AFF3: variants seen among roughly 807,000 people sequenced by gnomAD.
AFF3 encodes the protein ALF transcription elongation factor 3.
A neutral mutation model predicts 129.7 loss-of-function variants in AFF3; 32 were observed. The ratio of observed to expected loss-of-function variants is 0.25; its 90% CI spans 0.19 to 0.33. The LOEUF is 0.33. Among genes scored for constraint, AFF3 ranks in the 10% least tolerant of loss-of-function variants. The pLI, the probability that AFF3 is intolerant of heterozygous loss-of-function variation, is 1.00. For missense variants in AFF3, 1,373 were observed against 1,592.0 expected, an observed-to-expected ratio of 0.86 and a Z score of 2.34; for synonymous variants, 644 against 635.4, an observed-to-expected ratio of 1.01 and a Z score of -0.20.
intron 17 of AFF3, among the ~76,000 whole-genome samples, chr2:99,582,300 TC>T (rs1175654622): frequency 6.6e-6 from 1 of 152,164 alleles, no homozygotes; most frequent in Admixed American, 6.5e-5. Flanking sequence ...AGTCCCCTGC[TC>T]TTCCCCTGGG....
intron 11 of AFF3, among the ~76,000 whole-genome samples, chr2:99,693,565 T>C (rs370737644): frequency 5.9e-5 from 9 of 152,290 alleles, no homozygotes; most frequent in East Asian, 5.8e-4. Context: ...AGTATTAATA[T>C]AGAAATGGCC....
intron 4 of AFF3, among the ~76,000 whole-genome samples, chr2:100,038,941 C>T (rs1329151382): frequency 6.6e-6 from 1 of 152,112 alleles, no homozygotes; most frequent in Non-Finnish European, 1.5e-5. Context: ...CCAGGCTGGT[C>T]TTGAACTCCT....
chr2:99,832,871 G>A (rs977196771), intron 8 of AFF3, among the ~76,000 whole-genome samples: 1 of 152,086 alleles, frequency 6.6e-6, no homozygotes, highest in African/African-American at 2.4e-5. Flanking sequence ...TTTTGCCATT[G>A]GTGGGCTTCA....
At chr2:100,101,958 TAA>T (rs1690766868) in intron 4 of AFF3, among the ~76,000 whole-genome samples, 1 of 144,992 alleles carries the variant, frequency 6.9e-6, no homozygotes, top group African/African-American at 2.6e-5. Flanking sequence ...ATGTTAGTTT[TAA>T]AAAGTCTGCT....
chr2:100,104,658 G>C (rs868514146), intron 3 of AFF3, 140 bp from the exon 4 acceptor site: 1 of 960,142 alleles, frequency 1.0e-6, no homozygotes, highest in African/African-American at 2.0e-5. Flanking sequence ...GCAGCGGCCG[G>C]CGCACTCACC....
intron 11 of AFF3, among the ~76,000 whole-genome samples, chr2:99,725,122 C>T (rs1679258777): frequency 6.6e-6 from 1 of 152,034 alleles, no homozygotes; most frequent in Non-Finnish European, 1.5e-5. Flanking sequence ...AGGCACGCGC[C>T]ACCATGCCCA....
chr2:99,800,306 G>C (rs1400091965), intron 8 of AFF3, among the ~76,000 whole-genome samples: 2 of 152,168 alleles, frequency 1.3e-5, no homozygotes, highest in Admixed American at 1.3e-4. Flanking sequence ...TGGAAAATAA[G>C]TGTATGAAAA....
chr2:99,572,280 T>TCTC, intron 18 of AFF3, among the ~76,000 whole-genome samples: 1 of 51,478 alleles, frequency 1.9e-5, no homozygotes, highest in Non-Finnish European at 3.5e-5. Flanking sequence ...TTTCTTCTCT[T>TCTC]CCCCCTCCCA....
At chr2:99,687,134 T>G (rs1675139563) in intron 11 of AFF3, among the ~76,000 whole-genome samples, 1 of 152,180 alleles carries the variant, frequency 6.6e-6, no homozygotes, top group Admixed American at 6.5e-5. Flanking sequence ...TATGTAACAT[T>G]AAACTCAGAA....
At position 99,636,096 on chromosome 2, in the gene AFF3, TC is replaced by T. The variant is rs1353090874; in HGVS notation, c.1184+13529del. ...ACCTGGACCTCCTTCACGTAGTCCCTCAGATGACTACACCTTAATTTGCTGT... is the reference window on the plus strand; with the variant it reads ...ACCTGGACCTCCTTCACGTAGTCCCTAGATGACTACACCTTAATTTGCTGT... On this transcript the variant is annotated intron_variant, in intron 13 of 24. Transcript: ENST00000672756. Among the ~76,000 whole-genome samples, 3 of 152,194 alleles carry T rather than the reference TC, an allele frequency of 2.0e-5. 1 individual carries two copies. The highest frequency in any genetic ancestry group is 4.4e-5 in the Non-Finnish European group (3 of 68,032).
intron 2 of AFF3, among the ~76,000 whole-genome samples, chr2:100,122,753 T>G (rs1692030985): frequency 6.6e-6 from 1 of 152,206 alleles, no homozygotes; most frequent in Admixed American, 6.5e-5. Context: ...TTTCCCAAAA[T>G]GTACATTTTT....
At chr2:99,998,662 C>T (rs1296830250) in intron 7 of AFF3, among the ~76,000 whole-genome samples, 1 of 152,094 alleles carries the variant, frequency 6.6e-6, no homozygotes, top group Admixed American at 6.6e-5. Context: ...AGATGCTATT[C>T]CTGAAGGTTA....
intron 13 of AFF3, among the ~76,000 whole-genome samples, chr2:99,632,208 T>C (rs1683187750): frequency 6.6e-6 from 1 of 151,586 alleles, no homozygotes; most frequent in African/African-American, 2.4e-5. Flanking sequence ...AGAGAAGGGG[T>C]TTCACCGTGT....
chr2:100,003,902 C>A (rs1214132741), intron 7 of AFF3, among the ~76,000 whole-genome samples: 1 of 151,504 alleles, frequency 6.6e-6, no homozygotes, highest in Non-Finnish European at 1.5e-5. Flanking sequence ...AGAGAAACTG[C>A]AAATTAAAAG....
At chr2:100,021,569 T>C (rs533633882) in intron 4 of AFF3, among the ~76,000 whole-genome samples, 51 of 152,308 alleles carry the variant, frequency 3.3e-4, no homozygotes, top group Admixed American at 3.2e-3. Flanking sequence ...AACAGTAATA[T>C]TGAGCAACTG....
intron 19 of AFF3, among the ~76,000 whole-genome samples, chr2:99,566,967 T>C (rs1676025200): frequency 6.6e-6 from 1 of 151,800 alleles, no homozygotes; most frequent in African/African-American, 2.4e-5. Flanking sequence ...ACATTTCTTT[T>C]TTCTTTTTTT....
At chr2:99,956,239 ATATGTGT>A (rs1199398011) in intron 7 of AFF3, among the ~76,000 whole-genome samples, 1 of 152,144 alleles carries the variant, frequency 6.6e-6, no homozygotes, top group Non-Finnish European at 1.5e-5. Flanking sequence ...GAACCAACTG[ATATGTGT>A]CTATGAGAGA....
In AFF3 at chr2:99,820,496, C is replaced by T. The variant is rs142702484; in HGVS notation, c.921+16981G>A. The stretch of plus-strand genomic sequence containing the variant: ...TGAGTGCTGAGTGAAATGTGAAGGC[C>T]TAGGACATTACCGTACACTACTGTA... On this transcript the variant is annotated intron_variant, in intron 8 of 24. Transcript: ENST00000672756. 1.3e-4 allele frequency among the ~76,000 whole-genome samples: 19 copies of T among 151,952 alleles called. 1 individual carries two copies. The East Asian group carries it at 3.5e-3, about 28-fold the overall frequency.
At chr2:99,556,959 T>C (rs903995464) in intron 22 of AFF3, among the ~76,000 whole-genome samples, 4 of 152,092 alleles carry the variant, frequency 2.6e-5, no homozygotes, top group Non-Finnish European at 5.9e-5. Flanking sequence ...AAGTTTCAGT[T>C]ATCAGGAATA....
Sources: allele counts gnomAD v4.1 joint callset (sites outside exome capture counted in the v4.1 genomes callset), GRCh38; gene constraint gnomAD v4.1.1; transcripts MANE v1.5; gene names NCBI Gene and HGNC (gene_info 2026-07-23, HGNC 2026-07-21).